The following VTI1A variants were observed in gnomAD, a reference collection of about 807,000 sequenced individuals.
VTI1A encodes the protein vesicle transport through interaction with t-SNAREs homolog 1A.
In VTI1A, 22 loss-of-function variants were observed where a neutral mutation model predicts 34.9. The ratio of observed to expected loss-of-function variants is 0.63; its 90% CI spans 0.45 to 0.90. VTI1A has a LOEUF of 0.90. Among genes scored for constraint, VTI1A ranks in the 40% least tolerant of loss-of-function variants. The pLI is 0.00. For missense variants in VTI1A, 268 were observed against 275.6 expected (o/e 0.97, Z 0.20); for synonymous variants, 87 against 97.3 (o/e 0.89, Z 0.62).
Position 112,721,742 on chromosome 10 carries a change from A to G in VTI1A, c.560+52744A>G, listed in dbSNP as rs970467867. Among the ~76,000 whole-genome samples the G allele has an allele frequency of 2.0e-5, 3 of 152,188 alleles. 1 individual carries two copies. The highest frequency in any genetic ancestry group is 4.4e-5 in the Non-Finnish European group (3 of 68,030). ...CTTTATACCATTATTTCAGACAACA[A>G]CAGAGCTATGAACAAGTAGAAGTTA... is the stretch of plus-strand genomic sequence containing the variant. On this transcript the variant is annotated intron_variant, in intron 7 of 7. Transcript: ENST00000393077.
At chr10:112,589,858 T>C (rs1844319671) in intron 5 of VTI1A, among the ~76,000 whole-genome samples, 1 of 152,228 alleles carries the variant, frequency 6.6e-6, no homozygotes, top group Non-Finnish European at 1.5e-5. Flanking sequence ...GCACAAGAAT[T>C]AAGTCAGAAG....
chr10:112,706,670 G>A (rs1357921265), intron 7 of VTI1A, among the ~76,000 whole-genome samples: 2 of 152,196 alleles, frequency 1.3e-5, no homozygotes, highest in African/African-American at 4.8e-5. Flanking sequence ...CATAGCACAT[G>A]TGGCCTTTCC....
intron 7 of VTI1A, among the ~76,000 whole-genome samples, chr10:112,770,913 A>G (rs1241850563): frequency 6.6e-6 from 1 of 152,100 alleles, no homozygotes; most frequent in Non-Finnish European, 1.5e-5. Flanking sequence ...TTCAAATGAC[A>G]TGTTTTAGAA....
intron 4 of VTI1A, chr10:112,533,632 T>C (rs1039216560): frequency 1.2e-6 from 1 of 858,452 alleles, no homozygotes. Flanking sequence ...AGTGGATCTT[T>C]GGATTTGTTT....
chr10:112,540,864 A>G (rs925512755), intron 5 of VTI1A, among the ~76,000 whole-genome samples: 1 of 152,230 alleles, frequency 6.6e-6, no homozygotes, highest in African/African-American at 2.4e-5. Flanking sequence ...GCAAGGAGGA[A>G]GAGAGGTGGA....
chr10:112,730,841 G>A (rs951230560), intron 7 of VTI1A, among the ~76,000 whole-genome samples: 1 of 152,038 alleles, frequency 6.6e-6, no homozygotes, highest in African/African-American at 2.4e-5. Flanking sequence ...CTAAAGACCA[G>A]ATACTAAAAA....
At chr10:112,494,737 C>T (rs1423767433) in intron 3 of VTI1A, among the ~76,000 whole-genome samples, 1 of 152,252 alleles carries the variant, frequency 6.6e-6, no homozygotes, top group Admixed American at 6.5e-5. Context: ...TGGTCTTGAA[C>T]TCCTGAACTC....
intron 5 of VTI1A, among the ~76,000 whole-genome samples, chr10:112,636,712 G>C (rs931544018): frequency 7.1e-6 from 1 of 140,826 alleles, no homozygotes; most frequent in African/African-American, 2.6e-5. Context: ...CTGGGTGCCA[G>C]AGCAAGACTC....
the VTI1A span, among the ~76,000 whole-genome samples, chr10:112,844,863 G>A: frequency 2.6e-5 from 4 of 152,298 alleles, no homozygotes; most frequent in African/African-American, 9.6e-5. Context: ...ATGTCACTGC[G>A]ATGACTGGAC....
chr10:112,621,528 A>G (rs1845734255), intron 5 of VTI1A, among the ~76,000 whole-genome samples: 2 of 152,194 alleles, frequency 1.3e-5, no homozygotes, highest in African/African-American at 4.8e-5. Flanking sequence ...ACTTAAGGTT[A>G]AGTGACTCTT....
rs898735165 is a variant in VTI1A at position 112,465,716 on chromosome 10, A to G, written c.264+1059A>G. 4.6e-5 allele frequency among the ~76,000 whole-genome samples: 7 copies of G among 152,270 alleles called. No individual in the cohort carries two copies. In the East Asian group the frequency reaches 1.4e-3, roughly 29 times the overall value. On this transcript the variant is annotated intron_variant, in intron 3 of 7. Transcript: ENST00000393077. ...TACCGGGGACTTGAGGGGAGGGAGA[A>G]ATGGAGAGTTGTTTCATGGGCAAAG... is the stretch of plus-strand genomic sequence containing the variant.
chr10:112,632,695 C>G (rs1043595741), intron 5 of VTI1A, among the ~76,000 whole-genome samples: 1 of 152,102 alleles, frequency 6.6e-6, no homozygotes, highest in South Asian at 2.1e-4. Context: ...CCTACCTAAC[C>G]ATAAGGGGGT....
chr10:112,463,848 A>G (rs1312808249), intron 2 of VTI1A, among the ~76,000 whole-genome samples: 1 of 152,232 alleles, frequency 6.6e-6, no homozygotes, highest in African/African-American at 2.4e-5. Context: ...TGGATTACCC[A>G]TGGGAAATAA....
chr10:112,507,446 C>A (rs183361867), intron 3 of VTI1A, among the ~76,000 whole-genome samples: 1 of 152,130 alleles, frequency 6.6e-6, no homozygotes, highest in Non-Finnish European at 1.5e-5. Context: ...ATTCTGAATG[C>A]GTCAGAATAT....
At chr10:112,589,832 G>A (rs139232360) in intron 5 of VTI1A, among the ~76,000 whole-genome samples, 1 of 152,082 alleles carries the variant, frequency 6.6e-6, no homozygotes, top group Admixed American at 6.5e-5. Context: ...TCTTGATGAG[G>A]AAATTATTAC....
At chr10:112,501,639 C>T (rs371582495) in intron 3 of VTI1A, among the ~76,000 whole-genome samples, 11 of 151,016 alleles carry the variant, frequency 7.3e-5, no homozygotes, top group African/African-American at 2.7e-4. Context: ...AACCTTTTTG[C>T]TACTCCCTCC....
Position 112,560,576 on chromosome 10 carries a change from C to T in VTI1A, c.427+22246C>T, listed in dbSNP as rs562529796. Among the ~76,000 whole-genome samples the T allele has an allele frequency of 2.0e-5, 3 of 149,748 alleles. No individual in the cohort carries two copies. In the South Asian group the frequency reaches 6.3e-4, roughly 32 times the overall value. On this transcript the variant is annotated intron_variant, in intron 5 of 7. Transcript: ENST00000393077. ...ATTGAAGGAAATGGGCAGCTATATT[C>T]CTTTACTGCAAATAGAAGTGCTTTT... is the stretch of plus-strand genomic sequence containing the variant.
At chr10:112,531,658 G>C (rs1237296624) in intron 4 of VTI1A, among the ~76,000 whole-genome samples, 1 of 152,114 alleles carries the variant, frequency 6.6e-6, no homozygotes, top group Non-Finnish European at 1.5e-5. Flanking sequence ...CATTGATTAT[G>C]GCAGGGTGGC....
intron 7 of VTI1A, among the ~76,000 whole-genome samples, chr10:112,777,487 G>A (rs1479520657): frequency 2.0e-5 from 3 of 152,214 alleles, no homozygotes; most frequent in Admixed American, 6.5e-5. Flanking sequence ...CTTTGAGTCT[G>A]ACATAGAGCA....
Sources: allele counts gnomAD v4.1 joint callset (sites outside exome capture counted in the v4.1 genomes callset), GRCh38; gene constraint gnomAD v4.1.1; transcripts MANE v1.5; gene names NCBI Gene and HGNC (gene_info 2026-07-23, HGNC 2026-07-21).